Variants in NSUN4 observed in about 807,000 individuals in gnomAD.
NSUN4 encodes NOP2/Sun RNA methyltransferase 4.
NSUN4 carries 31 observed loss-of-function variants against 43.8 expected under a neutral mutation model. The observed-to-expected ratio is 0.71, with a 90% CI of 0.53 to 0.96. NSUN4 has a LOEUF of 0.96. Ranked by LOEUF, NSUN4 falls within the 40% of genes least tolerant of loss-of-function variation. The pLI is 0.00. For synonymous variants in NSUN4, 167 were observed against 184.1 expected, an observed-to-expected ratio of 0.91 and a Z score of 0.75; for missense variants, 439 against 475.6, an observed-to-expected ratio of 0.92 and a Z score of 0.72.
the NSUN4 span, among the ~76,000 whole-genome samples, chr1:46,384,870 A>T: frequency 6.6e-6 from 1 of 152,158 alleles, no homozygotes; most frequent in Non-Finnish European, 1.5e-5. Context: ...ATGTCCTGGC[A>T]ACTCCAAAGG....
the NSUN4 span, among the ~76,000 whole-genome samples, chr1:46,371,653 G>A: frequency 9.9e-5 from 15 of 152,102 alleles, no homozygotes; most frequent in Admixed American, 9.8e-4. Context: ...TGTTGGTCAG[G>A]CTTGTCTCAA....
At chr1:46,343,249 G>A (rs768692459) in intron 1 of NSUN4, 26 of 385,464 alleles carry the variant, frequency 6.7e-5, no homozygotes, top group South Asian at 1.4e-4. Flanking sequence ...CCCCAACCTC[G>A]TTGTCAGCCT....
chr1:46,359,956 A>G (rs943447622), intron 4 of NSUN4, among the ~76,000 whole-genome samples: 13 of 151,800 alleles, frequency 8.6e-5, no homozygotes, highest in Admixed American at 4.6e-4. Flanking sequence ...TAGGCCGGGC[A>G]TGGTGGCTCA....
At chr1:46,355,418 C>T (rs1021599462) in intron 4 of NSUN4, among the ~76,000 whole-genome samples, 1 of 152,104 alleles carries the variant, frequency 6.6e-6, no homozygotes, top group Non-Finnish European at 1.5e-5. Flanking sequence ...TACTTATCAG[C>T]CAGAGAAGTT....
chr1:46,364,505 C>T lies in NSUN4; in HGVS notation c.*2659C>T, dbSNP rs1664068003. ...GACCAGCCTGGCCAACGTGGTGAAACCCCATCTCTATAAAAGTACAAAAGG... is the reference window on the plus strand; with the variant it reads ...GACCAGCCTGGCCAACGTGGTGAAATCCCATCTCTATAAAAGTACAAAAGG... On this transcript the variant is annotated 3_prime_UTR_variant, in exon 6 of 6. Transcript: ENST00000474844. 6.6e-6 allele frequency: 1 copy of T among 152,114 alleles called. No individual in the cohort carries two copies. The highest frequency in any genetic ancestry group is 2.1e-4 in the South Asian group (1 of 4,830). The allele number at this position is 152,114 out of a possible 1,614,324, so 9.4% of individuals were successfully genotyped here.
At chr1:46,384,438 T>G in the NSUN4 span, among the ~76,000 whole-genome samples, 4 of 152,174 alleles carry the variant, frequency 2.6e-5, no homozygotes, top group Admixed American at 6.5e-5. Context: ...TGGATGGATG[T>G]ATGACACAGC....
intron 3 of NSUN4, among the ~76,000 whole-genome samples, chr1:46,347,867 T>TC (rs1662630454): frequency 6.6e-6 from 1 of 151,404 alleles, no homozygotes; most frequent in South Asian, 2.1e-4. Context: ...TTCTTTTTTT[T>TC]TTTCTTTCTT....
chr1:46,352,228 G>A (rs937874125), intron 3 of NSUN4, among the ~76,000 whole-genome samples: 1 of 151,372 alleles, frequency 6.6e-6, no homozygotes, highest in Admixed American at 6.6e-5. Context: ...AGGCAGGCGG[G>A]ATCACCTGAG....
chr1:46,360,587 A>C, intron 4 of NSUN4, 117 bp from the exon 5 acceptor site: 1 of 980,726 alleles, frequency 1.0e-6, no homozygotes, highest in Non-Finnish European at 1.5e-6. Context: ...TCTGCAAAGG[A>C]GGGATGGGCA....
chr1:46,359,249 G>A (rs1663626705), intron 4 of NSUN4, among the ~76,000 whole-genome samples: 1 of 152,214 alleles, frequency 6.6e-6, no homozygotes, highest in East Asian at 1.9e-4. Context: ...GACAGAGCCA[G>A]ACTCCATCCC....
chr1:46,349,147 T>TTTTG lies in NSUN4; in HGVS notation c.592+2075_592+2076insGTTT, dbSNP rs1330166748. Among the ~76,000 whole-genome samples the TTTTG allele has an allele frequency of 6.6e-3, 890 of 135,688 alleles. 11 individuals are homozygous for TTTTG. The highest frequency in any genetic ancestry group is 0.022 in the African/African-American group (841 of 38,554). 89.0% of individuals were successfully genotyped at this position (135,688 alleles called of 152,430 possible). ...GTTTTTTTTGGTTTGTTTTTTTGTT[T>TTTTG]TTTTTTTTTTGAGACGGAGTCTTGT... is the stretch of plus-strand genomic sequence containing the variant. On this transcript the variant is annotated intron_variant, in intron 3 of 5. Transcript: ENST00000474844.
At position 46,352,938 on chromosome 1, in the gene NSUN4, G is replaced by T. The variant is rs1663112014; in HGVS notation, c.663G>T (p.Val221=). ...TACAGAAGATCCTTCACAGCTATGT[G>T]CCTGAAGAGATCAGGGATGGAAATC... ...ARLQKILHSY[V]PEEIRDGNQV... Residue 221 remains valine (V), a synonymous_variant, in exon 4 of 6, where the codon GTG becomes GTT. Coordinates refer to ENST00000474844, the MANE Select transcript of NSUN4 (RefSeq NM_199044.4). 1 of 1,613,958 alleles carries T rather than the reference G, an allele frequency of 6.2e-7. No homozygotes were observed. The highest frequency in any genetic ancestry group is 1.7e-5 in the Admixed American group (1 of 60,028).
At chr1:46,383,531 C>T in the NSUN4 span, among the ~76,000 whole-genome samples, 3 of 148,628 alleles carry the variant, frequency 2.0e-5, no homozygotes, top group African/African-American at 7.4e-5. Flanking sequence ...TCTCGGCTCA[C>T]TGCAAGCTCC....
chr1:46,384,659 T>C, the NSUN4 span, among the ~76,000 whole-genome samples: 5 of 152,210 alleles, frequency 3.3e-5, no homozygotes, highest in Non-Finnish European at 5.9e-5. Context: ...TTTAATTTGG[T>C]AGGGCTTGAT....
intron 3 of NSUN4, among the ~76,000 whole-genome samples, chr1:46,352,306 G>T (rs1379859710): frequency 6.6e-6 from 1 of 152,070 alleles, no homozygotes; most frequent in Non-Finnish European, 1.5e-5. Context: ...GCAAAAATTA[G>T]CCGGGTATAG....
chr1:46,340,900 A>G lies in NSUN4; in HGVS notation c.74A>G (p.His25Arg). 1 of 1,613,548 alleles carries G rather than the reference A, an allele frequency of 6.2e-7. No homozygotes were observed. The highest frequency in any genetic ancestry group is 1.7e-5 in the Admixed American group (1 of 59,932). Residue 25 changes from histidine (H) to arginine (R), a missense_variant, in exon 1 of 6, where the codon CAT becomes CGT. Coordinates refer to ENST00000474844, the MANE Select transcript of NSUN4 (RefSeq NM_199044.4). ...RVDLATVPRR[H>R]RYKKKWAATE... ...GACCTCGCGACGGTCCCGCGGAGACATCGATATAAGAAGAAATGGGTAAGG... is the reference window on the plus strand; with the variant it reads ...GACCTCGCGACGGTCCCGCGGAGACGTCGATATAAGAAGAAATGGGTAAGG...
chr1:46,372,171 C>T, the NSUN4 span, among the ~76,000 whole-genome samples: 1 of 145,710 alleles, frequency 6.9e-6, no homozygotes, highest in East Asian at 2.0e-4. Flanking sequence ...GATGGAGTCT[C>T]GCTCTGTCAC....
intron 3 of NSUN4, among the ~76,000 whole-genome samples, chr1:46,348,808 G>GTTT (rs869234807): frequency 0.074 from 5,785 of 77,862 alleles, 957 homozygotes; most frequent in African/African-American, 0.1. Context: ...CTTGTGCACT[G>GTTT]TTTTTTTTTT....
At chr1:46,371,664 A>G in the NSUN4 span, among the ~76,000 whole-genome samples, 11 of 151,088 alleles carry the variant, frequency 7.3e-5, no homozygotes, top group Non-Finnish European at 1.3e-4. Context: ...CTTGTCTCAA[A>G]CTCCTGACTT....
Sources: allele counts gnomAD v4.1 joint callset (sites outside exome capture counted in the v4.1 genomes callset), GRCh38; gene constraint gnomAD v4.1.1; transcripts MANE v1.5; gene names NCBI Gene and HGNC (gene_info 2026-07-23, HGNC 2026-07-21).